Variants in PRKG1 observed in about 807,000 individuals in gnomAD.
PRKG1 encodes cGMP-dependent protein kinase 1.
A neutral mutation model predicts 88.1 loss-of-function variants in PRKG1; 35 were observed. The observed-to-expected ratio is 0.40, with a 90% CI of 0.30 to 0.53. The LOEUF is 0.53. Ranked by LOEUF, PRKG1 falls within the 20% of genes least tolerant of loss-of-function variation. The probability of loss-of-function intolerance (pLI) is 0.59; values close to 1 mark genes in which losing one functional copy is unlikely to be tolerated. For missense variants in PRKG1, 540 were observed against 839.8 expected (o/e 0.64, Z 4.41); for synonymous variants, 303 against 292.5 (o/e 1.04, Z -0.37).
intron 5 of PRKG1, among the ~76,000 whole-genome samples, chr10:52,002,261 A>G (rs1382380396): frequency 6.6e-6 from 1 of 152,064 alleles, no homozygotes; most frequent in South Asian, 2.1e-4. Flanking sequence ...TCTGTTTATT[A>G]TTAGGCACAT....
At chr10:51,521,942 C>T (rs56733740) in intron 3 of PRKG1, among the ~76,000 whole-genome samples, 2,619 of 152,184 alleles carry the variant, frequency 0.017, 54 homozygotes, top group African/African-American at 0.044. Flanking sequence ...TCTTTGTAAT[C>T]ATTTAATTAA....
intron 7 of PRKG1, among the ~76,000 whole-genome samples, chr10:52,083,231 G>A (rs918450932): frequency 6.6e-6 from 1 of 151,930 alleles, no homozygotes; most frequent in Admixed American, 6.6e-5. Context: ...TTTGGGCCAG[G>A]TACAACATCG....
intron 3 of PRKG1, among the ~76,000 whole-genome samples, chr10:51,776,261 TG>T (rs1344050581): frequency 6.6e-6 from 1 of 152,188 alleles, no homozygotes; most frequent in Non-Finnish European, 1.5e-5. Flanking sequence ...AGAACTATAG[TG>T]TATTTGTCTT....
At chr10:51,002,658 G>C (rs1281900272) in intron 1 of PRKG1, among the ~76,000 whole-genome samples, 1 of 152,134 alleles carries the variant, frequency 6.6e-6, no homozygotes, top group African/African-American at 2.4e-5. Context: ...ATTTCATTCA[G>C]TCTGTGACCC....
chr10:51,554,218 T>A (rs984027671), intron 3 of PRKG1, among the ~76,000 whole-genome samples: 6 of 147,406 alleles, frequency 4.1e-5, no homozygotes, highest in African/African-American at 1.5e-4. Context: ...TATATGTATA[T>A]TATATATGCA....
intron 2 of PRKG1, among the ~76,000 whole-genome samples, chr10:51,282,332 C>G (rs1180976512): frequency 6.6e-6 from 1 of 152,002 alleles, no homozygotes; most frequent in African/African-American, 2.4e-5. Context: ...CTATACATGT[C>G]TGAAGCTCAA....
At chr10:51,884,274 G>A (rs1322128308) in intron 4 of PRKG1, among the ~76,000 whole-genome samples, 17 of 149,304 alleles carry the variant, frequency 1.1e-4, no homozygotes, top group African/African-American at 2.2e-4. Flanking sequence ...GTGAAACCCC[G>A]TCTCTACTAA....
intron 8 of PRKG1, among the ~76,000 whole-genome samples, chr10:52,135,910 A>T (rs1837401445): frequency 6.6e-6 from 1 of 152,094 alleles, no homozygotes; most frequent in African/African-American, 2.4e-5. Flanking sequence ...CCAAGGCTAG[A>T]TTTGGGGAAA....
intron 12 of PRKG1, among the ~76,000 whole-genome samples, chr10:52,278,550 G>A (rs1000271795): frequency 2.0e-5 from 3 of 152,020 alleles, no homozygotes; most frequent in East Asian, 1.9e-4. Context: ...CAAAGACTTG[G>A]ACCCAACCCA....
At chr10:52,192,610 T>C (rs1011915164) in intron 9 of PRKG1, among the ~76,000 whole-genome samples, 14 of 152,222 alleles carry the variant, frequency 9.2e-5, no homozygotes, top group African/African-American at 3.1e-4. Context: ...GGACTTTTTA[T>C]TATTTTAGGA....
chr10:51,532,051 C>CA lies in PRKG1; in HGVS notation c.592+64215_592+64216insA, dbSNP rs1391007719. Among the ~76,000 whole-genome samples the CA allele has an allele frequency of 2.5e-3, 384 of 152,288 alleles. 2 individuals are homozygous for CA. Among genetic ancestry groups the CA allele is most frequent in the African/African-American group, 8.9e-3 (370 of 41,556 alleles). On this transcript the variant is annotated intron_variant, in intron 3 of 17. Coordinates refer to ENST00000373980, the MANE Select transcript of PRKG1 (RefSeq NM_006258.4). ...AACCAGTTCATCTCAATTTTGCTCA[C>CA]TATGTTAGCAGAGTATGTCTCACTT...
intron 3 of PRKG1, among the ~76,000 whole-genome samples, chr10:51,507,045 G>T (rs1358444725): frequency 6.6e-6 from 1 of 151,648 alleles, no homozygotes; most frequent in African/African-American, 2.4e-5. Context: ...GCAAACTAGT[G>T]CAAGGACAAA....
At chr10:51,967,259 T>C (rs1305060592) in intron 5 of PRKG1, among the ~76,000 whole-genome samples, 4 of 152,098 alleles carry the variant, frequency 2.6e-5, no homozygotes, top group South Asian at 2.1e-4. Flanking sequence ...ATGTCCTTTG[T>C]AGGGACATGG....
intron 5 of PRKG1, among the ~76,000 whole-genome samples, chr10:52,031,033 C>T (rs1183277023): frequency 2.0e-5 from 3 of 151,942 alleles, no homozygotes; most frequent in African/African-American, 7.3e-5. Flanking sequence ...ATGTCACTAA[C>T]TCAGATCCAT....
chr10:52,047,725 G>T (rs923309238), intron 5 of PRKG1, among the ~76,000 whole-genome samples: 8 of 152,088 alleles, frequency 5.3e-5, no homozygotes, highest in Non-Finnish European at 7.4e-5. Flanking sequence ...ACATGAAAAG[G>T]TCTTGCCTTT....
At chr10:51,845,337 G>A (rs534114329) in intron 4 of PRKG1, among the ~76,000 whole-genome samples, 2 of 151,988 alleles carry the variant, frequency 1.3e-5, no homozygotes, top group East Asian at 1.9e-4. Context: ...TGCCTTTCCC[G>A]ATTACTCTAT....
chr10:51,163,839 G>C (rs10995879), intron 2 of PRKG1, among the ~76,000 whole-genome samples: 6,398 of 152,316 alleles, frequency 0.042, 166 homozygotes, highest in Non-Finnish European at 0.066. Flanking sequence ...AGCGAGGCTG[G>C]GGGAGGGGCG....
chr10:51,927,629 G>A lies in PRKG1; in HGVS notation c.762+20059G>A, dbSNP rs574042572. 3.3e-5 allele frequency among the ~76,000 whole-genome samples: 5 copies of A among 152,198 alleles called. No individual in the cohort carries two copies. The South Asian group carries it at 8.3e-4, about 25-fold the overall frequency. On this transcript the variant is annotated intron_variant, in intron 5 of 17. Transcript: ENST00000373980. ...ATGCTATAGAGTCCCACTTTATTTA[G>A]TTAAGGAAACAGGAACTAATGGAAG...
At chr10:51,433,618 A>G (rs1022833408) in intron 2 of PRKG1, among the ~76,000 whole-genome samples, 3 of 125,806 alleles carry the variant, frequency 2.4e-5, no homozygotes, top group African/African-American at 9.0e-5. Flanking sequence ...AATACTAGAC[A>G]CCAGCAATAG....
Sources: allele counts gnomAD v4.1 joint callset (sites outside exome capture counted in the v4.1 genomes callset), GRCh38; gene constraint gnomAD v4.1.1; transcripts MANE v1.5; gene names NCBI Gene and HGNC (gene_info 2026-07-23, HGNC 2026-07-21).